IMPG2: variants seen among roughly 807,000 people sequenced by gnomAD.
IMPG2 encodes the protein IPM 200.
IMPG2 carries 91 observed loss-of-function variants against 129.2 expected under a neutral mutation model. The ratio of observed to expected loss-of-function variants is 0.70; its 90% confidence interval spans 0.59 to 0.84. The LOEUF (loss-of-function observed/expected upper bound fraction) is 0.84. IMPG2 is among the 40% of genes least tolerant of loss of function. The probability of loss-of-function intolerance (pLI) is 0.00; values close to 1 mark genes in which losing one functional copy is unlikely to be tolerated. For missense variants in IMPG2, 1,430 were observed against 1,461.7 expected (o/e 0.98, Z 0.35); for synonymous variants, 510 against 517.7 (o/e 0.99, Z 0.20).
intron 7 of IMPG2, among the ~76,000 whole-genome samples, chr3:101,272,095 ACACG>A: frequency 3.3e-5 from 1 of 30,214 alleles, no homozygotes; most frequent in Non-Finnish European, 7.5e-5. Flanking sequence ...ATCCTTTTAC[ACACG>A]CACACACACA....
At chr3:101,233,353 A>T (rs1706311455) in intron 14 of IMPG2, among the ~76,000 whole-genome samples, 1 of 152,220 alleles carries the variant, frequency 6.6e-6, no homozygotes, top group Non-Finnish European at 1.5e-5. Context: ...TTCATGGACC[A>T]TTCATTTCCA....
chr3:101,256,201 GAAAGAAAGAAAGAA>G (rs1706604774), intron 10 of IMPG2, among the ~76,000 whole-genome samples: 1 of 148,182 alleles, frequency 6.7e-6, no homozygotes, highest in Non-Finnish European at 1.5e-5. Context: ...AAGAAAGAAA[GAAAGAAAGAAAGAA>G]AGAAAAAAAT....
In IMPG2 at chr3:101,228,857, C is replaced by G. The variant is rs753174998; in HGVS notation, c.3653G>C (p.Arg1218Thr). 1.2e-6 allele frequency: 2 copies of G among 1,613,690 alleles called. No individual in the cohort carries two copies. Among genetic ancestry groups the G allele is most frequent in the Non-Finnish European group, 8.5e-7 (1 of 1,179,666 alleles). ...ATCATTGGCATACAGTTCCAAAACT[C>G]TCATTCTCTCTTGAATTTCCTTAAA... ...LSREEIQERM[R>T]VLELYANDPE... is the part of the protein sequence containing the mutation. The change falls in exon 18 of 19, where the codon AGA (arginine) becomes ACA (threonine). Residue 1218 changes from arginine to threonine, a missense_variant. Physicochemically the swap from Arg to Thr is moderately conservative, Grantham distance 71 (BLOSUM62 -1). Transcript: ENST00000193391.
At chr3:101,304,443 CTCAG>C in intron 2 of IMPG2, 131 bp from the exon 3 acceptor site, 2 of 823,062 alleles carry the variant, frequency 2.4e-6, no homozygotes, top group East Asian at 5.3e-5. Context: ...AGGAATGATT[CTCAG>C]TCAAAGGCCT....
chr3:101,274,969 T>A (rs537058852), intron 6 of IMPG2, among the ~76,000 whole-genome samples: 1 of 152,028 alleles, frequency 6.6e-6, no homozygotes, highest in East Asian at 1.9e-4. Context: ...CCTGATTTCA[T>A]GTAAGTTAAA....
At chr3:101,293,979 G>A (rs537916289) in intron 3 of IMPG2, among the ~76,000 whole-genome samples, 11 of 152,202 alleles carry the variant, frequency 7.2e-5, no homozygotes, top group South Asian at 6.2e-4. Context: ...CTTCCACTCC[G>A]ACCACTAAAA....
intron 2 of IMPG2, among the ~76,000 whole-genome samples, chr3:101,318,688 C>T (rs993419015): frequency 6.6e-6 from 1 of 152,016 alleles, no homozygotes; most frequent in Non-Finnish European, 1.5e-5. Flanking sequence ...ATTTAAAAGC[C>T]TCATTTTACA....
chr3:101,262,770 CAA>C (rs200218148), intron 9 of IMPG2, among the ~76,000 whole-genome samples: 11 of 130,462 alleles, frequency 8.4e-5, no homozygotes, highest in African/African-American at 2.2e-4. Flanking sequence ...GAAAGGATAA[CAA>C]AAAAAAAAAA....
At chr3:101,236,314 A>G (rs1706345175) in intron 14 of IMPG2, among the ~76,000 whole-genome samples, 1 of 152,210 alleles carries the variant, frequency 6.6e-6, no homozygotes, top group Non-Finnish European at 1.5e-5. Flanking sequence ...AGCTAATTTG[A>G]ATATTAAAAG....
chr3:101,229,300 A>ACCCCCCCCCCCCCCCCCCCGGGGCCC, intron 17 of IMPG2, 80 bp downstream of exon 17: 3 of 859,118 alleles, frequency 3.5e-6, no homozygotes, highest in Non-Finnish European at 3.8e-6. Context: ...ACTCATACAC[A>ACCCCCCCCCCCCCCCCCCCGGGGCCC]CCCCCACCCA....
intron 14 of IMPG2, among the ~76,000 whole-genome samples, chr3:101,234,029 A>ATC (rs1706319110): frequency 6.6e-6 from 1 of 151,714 alleles, no homozygotes; most frequent in Non-Finnish European, 1.5e-5. Context: ...ACTGAAGTTG[A>ATC]TCTCCTTTGG....
chr3:101,313,616 G>C (rs953663927), intron 2 of IMPG2, among the ~76,000 whole-genome samples: 1 of 152,006 alleles, frequency 6.6e-6, no homozygotes, highest in Non-Finnish European at 1.5e-5. Context: ...CCTTCTACTA[G>C]ATCTCCAGCT....
chr3:101,242,657 T>C lies in IMPG2; in HGVS notation c.3022+31A>G, dbSNP rs1409334221. 3.4e-6 allele frequency: 5 copies of C among 1,473,744 alleles called. No individual in the cohort carries two copies. The African/African-American group carries it at 4.2e-5, about 12-fold the overall frequency. The allele number at this position is 1,473,744 out of a possible 1,614,324, so 91.3% of individuals were successfully genotyped here. A position where few individuals can be genotyped will look rare whatever the true frequency, so the allele number is the denominator to read the frequency against. Reference sequence around the variant, plus strand: ...CACAAGAATAATCACTGGATTCTACTAAGAAACCACCATGCTAGGCAATAT... The same window carrying C: ...CACAAGAATAATCACTGGATTCTACCAAGAAACCACCATGCTAGGCAATAT... On this transcript the variant is annotated intron_variant, in intron 14 of 18. Coordinates refer to ENST00000193391, the MANE Select transcript of IMPG2 (RefSeq NM_016247.4).
intron 14 of IMPG2, among the ~76,000 whole-genome samples, chr3:101,237,578 G>T (rs1237566686): frequency 6.6e-6 from 1 of 152,172 alleles, no homozygotes. Flanking sequence ...GGCAAACAGA[G>T]TCTGGAGTGG....
chr3:101,244,918 A>T, intron 12 of IMPG2, 131 bp from the exon 13 acceptor site: 1 of 725,026 alleles, frequency 1.4e-6, no homozygotes, highest in Non-Finnish European at 2.4e-6. Flanking sequence ...TTGCTTTTCT[A>T]TATCTAGCAA....
At position 101,320,275 on chromosome 3, in the gene IMPG2, G is replaced by A. The variant is rs771906304; in HGVS notation, c.85+13C>T. 2 of 1,435,466 alleles carry A rather than the reference G, an allele frequency of 1.4e-6. No homozygotes were observed. The highest frequency in any genetic ancestry group is 2.0e-6 in the Non-Finnish European group (2 of 1,019,050). 88.9% of individuals were successfully genotyped at this position (1,435,466 alleles called of 1,614,324 possible). A position where few individuals can be genotyped will look rare whatever the true frequency, so the allele number is the denominator to read the frequency against. ...ATATGGAAAGATAAAAACAAATGTA[G>A]ATTTTTAAATACCTGTTAATGATGG... On this transcript the variant is annotated intron_variant, in intron 1 of 18. Transcript: ENST00000193391.
chr3:101,231,210 G>A lies in IMPG2; in HGVS notation c.3234-65C>T. 10 of 1,482,764 alleles carry A rather than the reference G, an allele frequency of 6.7e-6. No individual in the cohort carries two copies. In the South Asian group the frequency reaches 1.1e-4, roughly 17 times the overall value. 91.9% of individuals were successfully genotyped at this position (1,482,764 alleles called of 1,614,324 possible). ...CTGCTCACACTGACAATTAACAGCA[G>A]AACCTTCTGAGGGACTAGAGGAAAG... On this transcript the variant is annotated intron_variant, in intron 15 of 18. Transcript: ENST00000193391.
At chr3:101,306,984 C>T (rs1426726283) in intron 2 of IMPG2, among the ~76,000 whole-genome samples, 3 of 152,144 alleles carry the variant, frequency 2.0e-5, no homozygotes, top group East Asian at 1.9e-4. Context: ...ATTCCAAATA[C>T]ATATATCTGC....
intron 12 of IMPG2, among the ~76,000 whole-genome samples, chr3:101,245,224 A>C (rs1205584242): frequency 6.6e-6 from 1 of 151,894 alleles, no homozygotes; most frequent in African/African-American, 2.4e-5. Context: ...ACAATCCTGA[A>C]CTCATTATTT....
Sources: gnomAD v4.1 joint callset for allele counts (sites outside exome capture counted in the v4.1 genomes callset) on GRCh38, gnomAD v4.1.1 for gene constraint, MANE v1.5 for transcripts, NCBI Gene and HGNC (gene_info 2026-07-23, HGNC 2026-07-21) for gene names.